Variants in NOP16 observed in about 807,000 individuals in gnomAD.
NOP16 encodes the protein NOP16 nucleolar protein, also known as nucleolar protein 16.
In NOP16, 14 loss-of-function variants were observed where a neutral mutation model predicts 22.7. That is an observed-to-expected ratio of 0.62 (90% CI 0.41 to 0.97). The LOEUF (loss-of-function observed/expected upper bound fraction) is 0.97, where lower values mean the gene tolerates loss of function less well. Among genes scored for constraint, NOP16 ranks in the 50% least tolerant of loss-of-function variants. The pLI, the probability that NOP16 is intolerant of heterozygous loss-of-function variation, is 0.00. For synonymous variants in NOP16, 80 were observed against 83.6 expected (o/e 0.96, Z 0.23); for missense variants, 198 against 235.9 (o/e 0.84, Z 1.05).
chr5:176,384,437 C>T (rs916616872), intron 4 of NOP16, 63 bp from the exon 5 acceptor site: 3 of 1,524,326 alleles, frequency 2.0e-6, no homozygotes, highest in African/African-American at 2.8e-5. Flanking sequence ...CTGAACTCAT[C>T]CTGAATTAGG....
rs1755659502 is a variant in NOP16 at position 176,384,329 on chromosome 5, G to C, written c.439C>G (p.Gln147Glu). 3.7e-6 allele frequency: 6 copies of C among 1,614,240 alleles called. No homozygotes were observed. The highest frequency in any genetic ancestry group is 5.1e-6 in the Non-Finnish European group (6 of 1,180,046). Residue 147 changes from glutamine to glutamate, a missense_variant, in exon 5 of 5, where the codon CAG becomes GAG. Physicochemically the swap from Gln to Glu is conservative, Grantham distance 29. Transcript: ENST00000614830. The part of the protein sequence containing the change: ...EKNYYQDTPK[Q>E]IRSKINVYKR... ...TAGACGTTGATCTTACTCCGAATCT[G>C]TTTTGGGGTATCTTGATAGTAATTC... is the stretch of plus-strand genomic sequence containing the variant.
chr5:176,385,352 G>C (rs1358218054), intron 3 of NOP16, 25 bp from the exon 4 acceptor site: 1 of 1,335,354 alleles, frequency 7.5e-7, no homozygotes. Flanking sequence ...GAAGCGGGGA[G>C]ACAGGGAATG....
chr5:176,386,902 G>C lies in NOP16; in HGVS notation c.224C>G (p.Ala75Gly), dbSNP rs771970692. 6.2e-7 allele frequency: 1 copy of C among 1,613,950 alleles called. No individual in the cohort carries two copies. The highest frequency in any genetic ancestry group is 2.2e-5 in the East Asian group (1 of 44,882). Residue 75 changes from alanine (A) to glycine (G), a missense_variant, in exon 3 of 5, where the codon GCC (alanine) becomes GGC (glycine). Coordinates refer to ENST00000614830, the MANE Select transcript of NOP16 (RefSeq NM_016391.8). The stretch of plus-strand genomic sequence containing the variant: ...CCTCTCCTCTATGTCCACCTCCATG[G>C]CCTTCACCTGCAGAGAACAGAGCCC... ...AVPLRKRKVK[A>G]MEVDIEERPK...
rs111867662 is a variant in NOP16 at position 176,384,120 on chromosome 5, G to A, written c.*111C>T. 32 of 1,610,258 alleles carry A rather than the reference G, an allele frequency of 2.0e-5. No individual in the cohort carries two copies. The African/African-American group carries it at 2.7e-4, about 13-fold the overall frequency. On this transcript the variant is annotated 3_prime_UTR_variant, in exon 5 of 5. Transcript: ENST00000614830. ...TGTGTGTAACCTTCTGATTCCATGG[G>A]ACCTGGCCAGCTCCTCTGGAGCCAC...
At chr5:176,384,803 G>A (rs554278994) in intron 4 of NOP16, 19 of 390,734 alleles carry the variant, frequency 4.9e-5, no homozygotes, top group South Asian at 1.6e-4. Context: ...AGAGTCCAGC[G>A]GGCCAGGGAG....
intron 4 of NOP16, chr5:176,384,802 C>T (rs764797854): frequency 2.3e-5 from 9 of 388,398 alleles, no homozygotes; most frequent in Admixed American, 4.2e-5. Flanking sequence ...GAGAGTCCAG[C>T]GGGCCAGGGA....
At chr5:176,388,186 C>T (rs367884738) in intron 2 of NOP16, 49 bp downstream of exon 2, 29 of 1,376,696 alleles carry the variant, frequency 2.1e-5, no homozygotes, top group Non-Finnish European at 2.9e-5. Context: ...GTCAGTATGG[C>T]GGGGGAAGAG....
At position 176,388,490 on chromosome 5, in the gene NOP16, A is replaced by T. The variant is rs201660459; in HGVS notation, c.50T>A (p.Val17Asp). 3 of 1,614,162 alleles carry T rather than the reference A, an allele frequency of 1.9e-6. No homozygotes were observed. The Admixed American group carries it at 5.0e-5, about 27-fold the overall frequency. ...ATTCCGGTTCAGACGCTTTCGGTTG[A>T]CACTGTAACCAAACTTCTGCCTCCG... ...KTRRQKFGYS[V>D]NRKRLNRNAR... is the part of the protein sequence containing the mutation. The change falls in exon 1 of 5, where the codon GTC becomes GAC. Residue 17 changes from valine to aspartate, a missense_variant. By Grantham distance (152) the Val-to-Asp change is radical. Coordinates refer to ENST00000614830, the MANE Select transcript of NOP16 (RefSeq NM_016391.8).
intron 3 of NOP16, chr5:176,386,605 T>G (rs1306207087): frequency 8.1e-6 from 5 of 616,718 alleles, no homozygotes; most frequent in Non-Finnish European, 1.5e-5. Flanking sequence ...GGCACCTGGG[T>G]ACATCCTCCC....
intron 3 of NOP16, chr5:176,386,375 G>T (rs759442060): frequency 8.8e-6 from 2 of 226,352 alleles, no homozygotes; most frequent in Non-Finnish European, 1.8e-5. Flanking sequence ...ACAGGTAAGG[G>T]GAAGGATGAA....
At chr5:176,386,262 T>C (rs1755838259) in intron 3 of NOP16, 1 of 180,626 alleles carries the variant, frequency 5.5e-6, no homozygotes, top group Admixed American at 5.4e-5. Flanking sequence ...GCAGTAATTC[T>C]TATGAGAACC....
chr5:176,384,933 C>A (rs1457052047), intron 4 of NOP16: 4 of 561,854 alleles, frequency 7.1e-6, no homozygotes, highest in Non-Finnish European at 1.3e-5. Flanking sequence ...AGACTTCCAT[C>A]CTGGGTGACT....
At chr5:176,387,739 T>C (rs549195963) in intron 2 of NOP16, among the ~76,000 whole-genome samples, 3 of 152,260 alleles carry the variant, frequency 2.0e-5, no homozygotes, top group South Asian at 2.1e-4. Flanking sequence ...CTGCCTCTAC[T>C]AAAACCACAA....
chr5:176,386,883 C>T lies in NOP16; in HGVS notation c.243G>A (p.Glu81=), dbSNP rs1262921087. ...RKVKAMEVDI[E]ERPKELVRKP... ...TCCGTACAAGCTCTTTAGGCCTCTC[C>T]TCTATGTCCACCTCCATGGCCTTCA... is the stretch of plus-strand genomic sequence containing the variant. The change falls in exon 3 of 5, where the codon GAG becomes GAA. Residue 81 remains glutamate (E), a synonymous_variant. Transcript: ENST00000614830. 15 of 1,614,028 alleles carry T rather than the reference C, an allele frequency of 9.3e-6. No individual in the cohort carries two copies. The highest frequency in any genetic ancestry group is 1.3e-5 in the Non-Finnish European group (15 of 1,180,000).
At chr5:176,384,819 G>A (rs1422883073) in intron 4 of NOP16, 5 of 415,172 alleles carry the variant, frequency 1.2e-5, no homozygotes, top group Non-Finnish European at 2.1e-5. Context: ...GGGAGGAGCT[G>A]GGGCCAGCTG....
rs776678999 is a variant in NOP16 at position 176,384,336 on chromosome 5, G to C, written c.432C>G (p.Thr144=). The change falls in exon 5 of 5, where the codon ACC becomes ACG. Residue 144 remains threonine, a synonymous_variant. Coordinates refer to ENST00000614830, the MANE Select transcript of NOP16 (RefSeq NM_016391.8). The part of the protein sequence containing the change: ...ARDEKNYYQD[T]PKQIRSKINV... ...TGATCTTACTCCGAATCTGTTTTGG[G>C]GTATCTTGATAGTAATTCTTCTCAT... 3.7e-6 allele frequency: 6 copies of C among 1,614,080 alleles called. No individual in the cohort carries two copies. The highest frequency in any genetic ancestry group is 5.1e-6 in the Non-Finnish European group (6 of 1,180,020).
intron 3 of NOP16, chr5:176,385,913 G>GA (rs1755809151): frequency 1.3e-5 from 2 of 152,694 alleles, no homozygotes; most frequent in African/African-American, 4.8e-5. Context: ...CATCTAGAAA[G>GA]AGAGAGAAAG....
chr5:176,387,469 T>C (rs536723452), intron 2 of NOP16, among the ~76,000 whole-genome samples: 51 of 152,388 alleles, frequency 3.3e-4, no homozygotes, highest in African/African-American at 1.2e-3. Context: ...TTTGTTCCAT[T>C]GCCTTAGGCA....
Position 176,384,695 on chromosome 5 carries a change from G to A in NOP16, c.394-321C>T, listed in dbSNP as rs551759865. 40 of 403,534 alleles carry A rather than the reference G, an allele frequency of 9.9e-5. No individual in the cohort carries two copies. In the Admixed American group the frequency reaches 1.1e-3, roughly 11 times the overall value. 25.0% of individuals were successfully genotyped at this position (403,534 alleles called of 1,614,324 possible). ...CGAGGCAGGAGGACTGTTTCAGCCC[G>A]GGAGGATGAGGCTGCGGTGAGCCAT... is the stretch of plus-strand genomic sequence containing the variant. On this transcript the variant is annotated intron_variant, in intron 4 of 4. Transcript: ENST00000614830.
Sources: gnomAD v4.1 joint callset for allele counts (sites outside exome capture counted in the v4.1 genomes callset) on GRCh38, gnomAD v4.1.1 for gene constraint, MANE v1.5 for transcripts, NCBI Gene and HGNC (gene_info 2026-07-23, HGNC 2026-07-21) for gene names.